Variants in TENM2 observed in about 807,000 individuals in gnomAD.
The protein encoded by TENM2 is teneurin-2.
Under a neutral mutation model 245.2 loss-of-function variants are expected in TENM2, and 52 were observed. The ratio of observed to expected loss-of-function variants is 0.21; its 90% CI spans 0.17 to 0.27. The LOEUF is 0.27. Among genes scored for constraint, TENM2 ranks in the 10% least tolerant of loss-of-function variants. The pLI, the probability that TENM2 is intolerant of heterozygous loss-of-function variation, is 1.00. For missense variants in TENM2, 3,046 were observed against 3,666.8 expected, an observed-to-expected ratio of 0.83 and a Z score of 4.37; for synonymous variants, 1,363 against 1,438.9, an observed-to-expected ratio of 0.95 and a Z score of 1.19.
the TENM2 span, among the ~76,000 whole-genome samples, chr5:167,191,309 A>G: frequency 6.6e-6 from 1 of 152,036 alleles, no homozygotes; most frequent in African/African-American, 2.4e-5. Flanking sequence ...AAATATATAT[A>G]TGTTGTTTTG....
Position 167,731,198 on chromosome 5 carries a change from C to T in TENM2, c.503-144788C>T, listed in dbSNP as rs867365371. Among the ~76,000 whole-genome samples the T allele has an allele frequency of 3.9e-4, 22 of 57,096 alleles. No individual in the cohort carries two copies. In the South Asian group the frequency reaches 0.01, roughly 26 times the overall value. The allele number at this position is 57,096 out of a possible 152,430, so 37.5% of individuals were successfully genotyped here. A position where few individuals can be genotyped will look rare whatever the true frequency, so the allele number is the denominator to read the frequency against. On this transcript the variant is annotated intron_variant, in intron 2 of 28. Transcript: ENST00000518659. ...CTAAAATGAGTTTCTACCCTCCAGACAGTTTTTTTTTTTTTTTTAGTTCTA... is the reference window on the plus strand; with the variant it reads ...CTAAAATGAGTTTCTACCCTCCAGATAGTTTTTTTTTTTTTTTTAGTTCTA...
At position 167,391,647 on chromosome 5, in the gene TENM2, A is replaced by AAAAAT. The variant is rs70976420; in HGVS notation, c.502+16174_502+16175insAAAAT. Among the ~76,000 whole-genome samples, 68 of 126,854 alleles carry AAAAAT rather than the reference A, an allele frequency of 5.4e-4. 4 individuals carry two copies. The highest frequency in any genetic ancestry group is 5.1e-3 in the Middle Eastern group (1 of 198). The allele number at this position is 126,854 out of a possible 152,430, so 83.2% of individuals were successfully genotyped here. ...CAAAAAAAAAAAAAAAAAAAAAAAA[A>AAAAAT]GCACTCTCAAGGATTTCTAACTTTA... On this transcript the variant is annotated intron_variant, in intron 2 of 28. Coordinates refer to ENST00000518659, the Ensembl canonical transcript of TENM2.
intron 2 of TENM2, among the ~76,000 whole-genome samples, chr5:167,798,388 G>A (rs1765467365): frequency 1.3e-5 from 2 of 152,220 alleles, no homozygotes; most frequent in South Asian, 2.1e-4. Flanking sequence ...TCAGCCCACA[G>A]CAGAGAGCAA....
chr5:167,682,148 T>G (rs201535960), intron 2 of TENM2, among the ~76,000 whole-genome samples: 1 of 126,976 alleles, frequency 7.9e-6, no homozygotes, highest in Non-Finnish European at 1.6e-5. Context: ...CTGCCTGCGT[T>G]CCTTCCTTCC....
chr5:167,657,726 T>TA (rs1379190468), intron 2 of TENM2, among the ~76,000 whole-genome samples: 1 of 152,216 alleles, frequency 6.6e-6, no homozygotes, highest in African/African-American at 2.4e-5. Flanking sequence ...CTGGGCTGAG[T>TA]AAACATAGGC....
the TENM2 span, among the ~76,000 whole-genome samples, chr5:167,216,860 G>C: frequency 6.6e-6 from 1 of 151,960 alleles, no homozygotes; most frequent in African/African-American, 2.4e-5. Flanking sequence ...TCAGGAGGAG[G>C]AGGTTGCAGT....
At chr5:167,192,871 T>G in the TENM2 span, among the ~76,000 whole-genome samples, 19 of 152,192 alleles carry the variant, frequency 1.2e-4, no homozygotes, top group African/African-American at 4.6e-4. Flanking sequence ...CAGTCTGACC[T>G]AACGGGAGGT....
intron 2 of TENM2, among the ~76,000 whole-genome samples, chr5:167,382,529 A>G (rs58724977): frequency 2.6e-5 from 4 of 152,110 alleles, no homozygotes; most frequent in Admixed American, 1.3e-4. Context: ...CTCACTCCCC[A>G]TCCTCATTTC....
chr5:168,203,527 A>G (rs922102763), intron 17 of TENM2, among the ~76,000 whole-genome samples, 162 bp from the exon 20 acceptor site: 7 of 152,254 alleles, frequency 4.6e-5, no homozygotes, highest in Non-Finnish European at 1.0e-4. Flanking sequence ...ATATTGTAGC[A>G]TCACAAGGAG....
chr5:167,501,287 G>A (rs1769194569), intron 2 of TENM2, among the ~76,000 whole-genome samples: 1 of 152,132 alleles, frequency 6.6e-6, no homozygotes. Flanking sequence ...CTTGCCAATG[G>A]TGTTATGGTC....
chr5:167,841,197 C>T (rs924972276), intron 2 of TENM2, among the ~76,000 whole-genome samples: 2 of 152,004 alleles, frequency 1.3e-5, no homozygotes, highest in Non-Finnish European at 2.9e-5. Context: ...GCTGGGATTA[C>T]AGGCGCCCAC....
At position 167,551,084 on chromosome 5, in the gene TENM2, C is replaced by T. The variant is rs186314201; in HGVS notation, c.502+175611C>T. On this transcript the variant is annotated intron_variant, in intron 2 of 28. Transcript: ENST00000518659. ...TTGATAGGGGAGGAGATTCTAAAGTCCCTGTCATTATGGTGATGAGAGATT... is the reference window on the plus strand; with the variant it reads ...TTGATAGGGGAGGAGATTCTAAAGTTCCTGTCATTATGGTGATGAGAGATT... Among the ~76,000 whole-genome samples the T allele has an allele frequency of 2.6e-5, 4 of 152,202 alleles. No individual in the cohort carries two copies. In the East Asian group the frequency reaches 7.7e-4, roughly 29 times the overall value.
chr5:167,095,770 T>A, the TENM2 span, among the ~76,000 whole-genome samples: 1 of 33,670 alleles, frequency 3.0e-5, no homozygotes, highest in African/African-American at 1.4e-4. Context: ...AAGCCTTTCT[T>A]TTTTTTTTTT....
At chr5:167,145,225 C>T in the TENM2 span, among the ~76,000 whole-genome samples, 2 of 152,182 alleles carry the variant, frequency 1.3e-5, no homozygotes, top group Admixed American at 6.5e-5. Context: ...GATTTGGACA[C>T]GGACATCTTT....
chr5:167,385,401 A>T, intron 2 of TENM2, among the ~76,000 whole-genome samples: 2 of 136,410 alleles, frequency 1.5e-5, no homozygotes, highest in East Asian at 2.3e-4. Context: ...GCTTGTCTTT[A>T]TTTACTTTAA....
At chr5:167,401,902 C>T (rs1298361375) in intron 2 of TENM2, among the ~76,000 whole-genome samples, 2 of 152,110 alleles carry the variant, frequency 1.3e-5, no homozygotes, top group African/African-American at 4.8e-5. Context: ...TGGATAAAAA[C>T]AGAACTTATA....
At chr5:167,419,093 G>A (rs1027412996) in intron 2 of TENM2, among the ~76,000 whole-genome samples, 2 of 149,824 alleles carry the variant, frequency 1.3e-5, no homozygotes, top group Non-Finnish European at 3.0e-5. Flanking sequence ...CATACTATAT[G>A]TATATACACA....
the TENM2 span, among the ~76,000 whole-genome samples, chr5:166,983,260 A>G: frequency 6.6e-6 from 1 of 152,116 alleles, no homozygotes; most frequent in Non-Finnish European, 1.5e-5. Flanking sequence ...AATATATTGT[A>G]TACTACAGTA....
At position 168,082,117 on chromosome 5, in the gene TENM2, G is replaced by C. The variant is rs572329170; in HGVS notation, c.1516-8457G>C. Among the ~76,000 whole-genome samples, 120 of 152,248 alleles carry C rather than the reference G, an allele frequency of 7.9e-4. 1 individual carries two copies. The highest frequency in any genetic ancestry group is 6.8e-3 in the Middle Eastern group (2 of 294). ...TCACATAGTCCCATATTTCTTGGAG[G>C]CTTTGTTTGTTTCTTTTTACTCTTT... On this transcript the variant is annotated intron_variant, in intron 7 of 28. Transcript: ENST00000518659.
Sources: allele counts gnomAD v4.1 joint callset (sites outside exome capture counted in the v4.1 genomes callset), GRCh38; gene constraint gnomAD v4.1.1; transcripts MANE v1.5; gene names NCBI Gene and HGNC (gene_info 2026-07-23, HGNC 2026-07-21).